Variants in KLHL29 observed in about 807,000 individuals in gnomAD.
KLHL29 encodes kelch-like protein 29.
A neutral mutation model predicts 80.4 loss-of-function variants in KLHL29; 21 were observed. The ratio of observed to expected loss-of-function variants is 0.26; its 90% CI spans 0.19 to 0.38. The LOEUF (loss-of-function observed/expected upper bound fraction) is 0.38. KLHL29 is among the 10% of genes least tolerant of loss of function. The probability of loss-of-function intolerance (pLI) is 1.00; values close to 1 mark genes in which losing one functional copy is unlikely to be tolerated. For missense variants in KLHL29, 867 were observed against 1,223.9 expected, an observed-to-expected ratio of 0.71 and a Z score of 4.35; for synonymous variants, 511 against 526.8, an observed-to-expected ratio of 0.97 and a Z score of 0.41.
At chr2:23,570,408 G>C (rs1667690347) in intron 3 of KLHL29, among the ~76,000 whole-genome samples, 1 of 152,174 alleles carries the variant, frequency 6.6e-6, no homozygotes, top group Non-Finnish European at 1.5e-5. Flanking sequence ...TTAAATTGTT[G>C]GTGGCTGTTC....
intron 3 of KLHL29, among the ~76,000 whole-genome samples, chr2:23,595,164 C>T (rs1668364769): frequency 6.6e-6 from 1 of 152,088 alleles, no homozygotes; most frequent in South Asian, 2.1e-4. Context: ...GAAAGAGGCA[C>T]CCGCAGAGGG....
At chr2:23,689,158 A>G (rs1032168544) in intron 6 of KLHL29, 2 of 152,228 alleles carry the variant, frequency 1.3e-5, no homozygotes, top group Admixed American at 1.3e-4. Flanking sequence ...CCCCCATCAC[A>G]TTCCCCTGTG....
At chr2:23,495,305 A>G (rs76289841) in intron 2 of KLHL29, among the ~76,000 whole-genome samples, 240 of 152,262 alleles carry the variant, frequency 1.6e-3, no homozygotes, top group Middle Eastern at 6.8e-3. Flanking sequence ...AGGGAAGTCA[A>G]TGGAGCCCCC....
rs112072479 is a variant in KLHL29 at position 23,605,298 on chromosome 2, A to G, written c.286-33841A>G. Reference sequence around the variant, plus strand: ...TTTTTTGAAGAGACGAGGTCTCACTATACTGCCCAGGCTGGTCTTCAACTC... The same window carrying G: ...TTTTTTGAAGAGACGAGGTCTCACTGTACTGCCCAGGCTGGTCTTCAACTC... On this transcript the variant is annotated intron_variant, in intron 3 of 13. Transcript: ENST00000486442. Among the ~76,000 whole-genome samples the G allele has an allele frequency of 4.6e-3, 701 of 151,884 alleles. 6 individuals are homozygous for G. The highest frequency in any genetic ancestry group is 0.016 in the African/African-American group (668 of 41,428).
intron 5 of KLHL29, among the ~76,000 whole-genome samples, chr2:23,649,887 G>C (rs75913746): frequency 2.6e-5 from 4 of 152,218 alleles, no homozygotes; most frequent in Admixed American, 2.0e-4. Context: ...AGGGTAACCC[G>C]TGAGGTTCCA....
intron 1 of KLHL29, among the ~76,000 whole-genome samples, chr2:23,394,969 CTGACA>C (rs1443464226): frequency 1.3e-5 from 2 of 152,208 alleles, no homozygotes; most frequent in Non-Finnish European, 2.9e-5. Context: ...TAGAACTGTG[CTGACA>C]TATGCCAAAT....
intron 5 of KLHL29, among the ~76,000 whole-genome samples, chr2:23,658,108 C>T (rs879914910): frequency 3.9e-5 from 6 of 152,008 alleles, no homozygotes; most frequent in African/African-American, 1.4e-4. Context: ...CTGCCCACTC[C>T]TCCTCCTCTT....
chr2:23,401,004 A>C (rs951758169), intron 1 of KLHL29, among the ~76,000 whole-genome samples: 13 of 152,236 alleles, frequency 8.5e-5, no homozygotes, highest in Non-Finnish European at 1.6e-4. Flanking sequence ...CTGCCTTCAT[A>C]GGCCTGTTGG....
chr2:23,497,806 G>T (rs1241673034), intron 2 of KLHL29, among the ~76,000 whole-genome samples: 1 of 152,184 alleles, frequency 6.6e-6, no homozygotes, highest in Non-Finnish European at 1.5e-5. Flanking sequence ...GAGGTGTCGA[G>T]TGGGCCTCAG....
At chr2:23,412,820 T>A (rs1035778390) in intron 1 of KLHL29, among the ~76,000 whole-genome samples, 2 of 152,000 alleles carry the variant, frequency 1.3e-5, no homozygotes, top group Non-Finnish European at 2.9e-5. Context: ...GCTCGCAAAA[T>A]GGGAAATGGC....
intron 3 of KLHL29, among the ~76,000 whole-genome samples, chr2:23,625,910 A>G (rs1055290181): frequency 1.3e-5 from 2 of 152,224 alleles, no homozygotes; most frequent in African/African-American, 4.8e-5. Context: ...GCAAGAAGGC[A>G]GCAGTCTGCA....
chr2:23,560,120 C>T (rs138374130), intron 2 of KLHL29, among the ~76,000 whole-genome samples: 37 of 152,166 alleles, frequency 2.4e-4, no homozygotes, highest in African/African-American at 6.7e-4. Flanking sequence ...AAGGCCACAG[C>T]GGAGCAGGTC....
intron 3 of KLHL29, among the ~76,000 whole-genome samples, chr2:23,634,007 G>A (rs1320933843): frequency 1.3e-5 from 2 of 152,124 alleles, no homozygotes; most frequent in African/African-American, 2.4e-5. Context: ...CAACATCATG[G>A]GTCTGTTCCT....
At chr2:23,638,389 GT>G (rs1027554909) in intron 3 of KLHL29, among the ~76,000 whole-genome samples, 4 of 148,548 alleles carry the variant, frequency 2.7e-5, no homozygotes, top group African/African-American at 4.9e-5. Flanking sequence ...CTGTCCTGGT[GT>G]TTTTTTTTTC....
rs1199213150 is a variant in KLHL29 at position 23,603,615 on chromosome 2, G to A, written c.286-35524G>A. On this transcript the variant is annotated intron_variant, in intron 3 of 13. Transcript: ENST00000486442. ...GATTTTCTAAAAGAGGGAGATCGAG[G>A]AGGCTGGCCGGGAAAGCATACCCTT... Among the ~76,000 whole-genome samples the A allele has an allele frequency of 9.8e-5, 15 of 152,326 alleles. No homozygotes were observed. The East Asian group carries it at 2.7e-3, about 27-fold the overall frequency.
Position 23,596,671 on chromosome 2 carries a change from C to A in KLHL29, c.285+34190C>A, listed in dbSNP as rs1023782046. 6.6e-6 allele frequency among the ~76,000 whole-genome samples: 1 copy of A among 152,180 alleles called. No homozygotes were observed. Among genetic ancestry groups the A allele is most frequent in the Non-Finnish European group, 1.5e-5 (1 of 68,034 alleles). ...ATGTGCCTCTTTAGCACGCCTTTAA[C>A]CCCTATCCTGCAAGCATCTCCCTCT... On this transcript the variant is annotated intron_variant, in intron 3 of 13. Coordinates refer to ENST00000486442, the MANE Select transcript of KLHL29 (RefSeq NM_052920.2). The surrounding 1 kb of genome is among the most constrained non-coding windows in gnomAD (Gnocchi z 4.4).
At chr2:23,615,823 C>T (rs1187747403) in intron 3 of KLHL29, among the ~76,000 whole-genome samples, 5 of 152,194 alleles carry the variant, frequency 3.3e-5, no homozygotes, top group Non-Finnish European at 7.3e-5. Flanking sequence ...TGTTCAGCTG[C>T]GCCAGCCTTC....
At chr2:23,686,884 C>T (rs1671285086) in intron 6 of KLHL29, among the ~76,000 whole-genome samples, 1 of 152,118 alleles carries the variant, frequency 6.6e-6, no homozygotes. Context: ...TGAAAGTCGC[C>T]GTGTTCGTTT....
At chr2:23,673,758 CACA>C (rs893830567) in intron 5 of KLHL29, among the ~76,000 whole-genome samples, 10 of 151,882 alleles carry the variant, frequency 6.6e-5, no homozygotes, top group South Asian at 2.1e-4. Context: ...CACACACCCA[CACA>C]ACATGCTCTC....
Sources: allele counts gnomAD v4.1 joint callset (sites outside exome capture counted in the v4.1 genomes callset), GRCh38; gene constraint gnomAD v4.1.1; non-coding constraint Gnocchi (gnomAD v3.1); transcripts MANE v1.5; gene names NCBI Gene and HGNC (gene_info 2026-07-23, HGNC 2026-07-21).